Variants in FGD5 observed in about 807,000 individuals in gnomAD.
FGD5 encodes the protein FYVE, RhoGEF and PH domain-containing protein 5.
In FGD5, 28 loss-of-function variants were observed where a neutral mutation model predicts 133.4. That is an observed-to-expected ratio of 0.21 (90% CI 0.16 to 0.29). FGD5 has a LOEUF of 0.29. Ranked by LOEUF, FGD5 falls within the 10% of genes least tolerant of loss-of-function variation. The pLI is 1.00. For synonymous variants in FGD5, 810 were observed against 776.5 expected (o/e 1.04, Z -0.72); for missense variants, 1,858 against 1,895.2 (o/e 0.98, Z 0.36).
chr3:14,846,522 A>C (rs950892526), intron 1 of FGD5, among the ~76,000 whole-genome samples: 2 of 152,234 alleles, frequency 1.3e-5, no homozygotes, highest in Non-Finnish European at 2.9e-5. Flanking sequence ...TGCATAGCTC[A>C]TAAATACTTC....
At chr3:14,859,325 G>A (rs535035614) in intron 1 of FGD5, among the ~76,000 whole-genome samples, 1 of 152,164 alleles carries the variant, frequency 6.6e-6, no homozygotes, top group Non-Finnish European at 1.5e-5. Context: ...GGGAGGCTGA[G>A]GCGGGCAGAT....
At chr3:14,883,335 C>T (rs988946667) in intron 4 of FGD5, among the ~76,000 whole-genome samples, 1 of 152,194 alleles carries the variant, frequency 6.6e-6, no homozygotes. Context: ...TCTGGTTTAA[C>T]GGCTGCCTTC....
rs1262034139 is a variant in FGD5, at chr3:14,900,516, C to G, written c.3205+63C>G. 6 of 1,580,296 alleles carry G rather than the reference C, an allele frequency of 3.8e-6. No homozygotes were observed. In the Admixed American group the frequency reaches 1.1e-4, roughly 28 times the overall value. ...CTGCTCTGCCTCCTTGCGCCAAAGC[C>G]TGGACCCTGCCCCAATTCCAAGGCC... On this transcript the variant is annotated intron_variant, in intron 8 of 19. Transcript: ENST00000285046.
At chr3:14,832,597 A>G (rs1450072381) in intron 1 of FGD5, among the ~76,000 whole-genome samples, 6 of 152,188 alleles carry the variant, frequency 3.9e-5, no homozygotes, top group African/African-American at 1.4e-4. Context: ...TTTTAATAGA[A>G]GAGAAAACTG....
intron 5 of FGD5, 114 bp from the exon 6 acceptor site, chr3:14,897,825 C>A: frequency 6.7e-7 from 1 of 1,484,734 alleles, no homozygotes; most frequent in Admixed American, 2.2e-5. Context: ...AACAACTGTG[C>A]AAGGGTTGAG....
intron 1 of FGD5, among the ~76,000 whole-genome samples, chr3:14,850,962 A>C (rs1038807946): frequency 3.9e-5 from 6 of 152,108 alleles, no homozygotes; most frequent in African/African-American, 1.4e-4. Context: ...GGCAGGAATC[A>C]CTCTGGCAAA....
intron 1 of FGD5, among the ~76,000 whole-genome samples, chr3:14,835,506 A>C (rs886311948): frequency 1.3e-5 from 2 of 151,790 alleles, no homozygotes; most frequent in Non-Finnish European, 2.9e-5. Flanking sequence ...TCTCAAAAAA[A>C]AAAAGAAAAG....
chr3:14,826,185 A>G (rs1022078207), intron 1 of FGD5, among the ~76,000 whole-genome samples: 2 of 152,188 alleles, frequency 1.3e-5, no homozygotes, highest in Admixed American at 6.5e-5. Flanking sequence ...GTGAACACCC[A>G]TGTGCCCAGC....
In FGD5 at chr3:14,923,999, C is replaced by G. The variant is rs753540295; in HGVS notation, c.3938-9C>G. 2 of 1,613,858 alleles carry G rather than the reference C, an allele frequency of 1.2e-6. No individual in the cohort carries two copies. The highest frequency in any genetic ancestry group is 1.7e-5 in the Admixed American group (1 of 60,024). ...CACCTCCCTTCCATGTGGCTTCTTT[C>G]AGTTACAGAGCGGCCTGTGAGCATG... On this transcript the variant is annotated splice_polypyrimidine_tract_variant and intron_variant, in intron 16 of 19. Transcript: ENST00000285046.
At chr3:14,852,653 G>C (rs1462755306) in intron 1 of FGD5, among the ~76,000 whole-genome samples, 2 of 152,214 alleles carry the variant, frequency 1.3e-5, no homozygotes, top group African/African-American at 4.8e-5. Flanking sequence ...TGCGTTTTAA[G>C]AGGAGGGGTG....
chr3:14,896,658 A>G (rs1024416283), intron 4 of FGD5, among the ~76,000 whole-genome samples: 1 of 152,092 alleles, frequency 6.6e-6, no homozygotes, highest in Admixed American at 6.5e-5. Context: ...TTTAGTAGAG[A>G]CAGGGTTTCT....
At position 14,820,607 on chromosome 3, in the gene FGD5, T is replaced by C. The variant is rs1406664735; in HGVS notation, c.1536T>C (p.Ile512=). ...AGGCGGGCTCGTCAGCCCCTGGCAT[T>C]GGAGGTGCCGCAGAGGAGGTGGGAA... ...GPEAGSSAPG[I]GGAAEEVGKT... is the part of the protein sequence containing the mutation. Residue 512 remains isoleucine, a synonymous_variant, in exon 1 of 20, where the codon ATT becomes ATC. Coordinates refer to ENST00000285046, the MANE Select transcript of FGD5 (RefSeq NM_152536.4). 6.2e-7 allele frequency: 1 copy of C among 1,607,546 alleles called. No individual in the cohort carries two copies. Among genetic ancestry groups the C allele is most frequent in the Admixed American group, 1.7e-5 (1 of 59,206 alleles).
chr3:14,907,092 G>T (rs1385964588), intron 9 of FGD5, among the ~76,000 whole-genome samples: 3 of 152,204 alleles, frequency 2.0e-5, no homozygotes, highest in African/African-American at 7.2e-5. Context: ...AGGTTCAAGG[G>T]GCACCTGCCC....
rs1397648467 is a variant in FGD5 at position 14,918,782 on chromosome 3, C to T, written c.3518C>T (p.Pro1173Leu). The change falls in exon 13 of 20, where the codon CCC becomes CTC. Residue 1173 changes from proline (P) to leucine (L), a missense_variant. Transcript: ENST00000285046. ...AGCCGCCCTGTGATGGAGAAAGTGCCCTACGCTCTAAAGATTGAGACTTCC... is the reference window on the plus strand; with the variant it reads ...AGCCGCCCTGTGATGGAGAAAGTGCTCTACGCTCTAAAGATTGAGACTTCC... ...KVSRPVMEKV[P>L]YALKIETSES... is the part of the protein sequence containing the mutation. 6 of 1,613,926 alleles carry T rather than the reference C, an allele frequency of 3.7e-6. No homozygotes were observed. The highest frequency in any genetic ancestry group is 2.2e-5 in the East Asian group (1 of 44,878).
intron 4 of FGD5, among the ~76,000 whole-genome samples, chr3:14,894,700 G>A (rs1314904340): frequency 1.4e-5 from 2 of 141,212 alleles, no homozygotes; most frequent in South Asian, 2.2e-4. Flanking sequence ...TTTTAGATAC[G>A]AGATCTTGCT....
At chr3:14,853,128 G>A (rs1028257482) in intron 1 of FGD5, among the ~76,000 whole-genome samples, 11 of 152,084 alleles carry the variant, frequency 7.2e-5, no homozygotes, top group African/African-American at 2.2e-4. Context: ...TTTGTCTTCC[G>A]TGGTCCCAGT....
intron 9 of FGD5, among the ~76,000 whole-genome samples, chr3:14,901,574 C>G (rs140766248): frequency 6.6e-6 from 1 of 152,192 alleles, no homozygotes; most frequent in African/African-American, 2.4e-5. Context: ...AGGTGGTCAC[C>G]ACATGCTCAC....
chr3:14,839,364 T>A (rs1244455745), intron 1 of FGD5, among the ~76,000 whole-genome samples: 1 of 152,202 alleles, frequency 6.6e-6, no homozygotes, highest in Non-Finnish European at 1.5e-5. Context: ...GCTCTATTTG[T>A]GGTCTGGAAC....
At chr3:14,887,404 A>G (rs1315486288) in intron 4 of FGD5, among the ~76,000 whole-genome samples, 1 of 152,082 alleles carries the variant, frequency 6.6e-6, no homozygotes, top group Non-Finnish European at 1.5e-5. Context: ...CCTGCCAGGC[A>G]TGGGGGTGCA....
Sources: allele counts gnomAD v4.1 joint callset (sites outside exome capture counted in the v4.1 genomes callset), GRCh38; gene constraint gnomAD v4.1.1; transcripts MANE v1.5; gene names NCBI Gene and HGNC (gene_info 2026-07-23, HGNC 2026-07-21).